Variants in ZNF341 observed in about 807,000 individuals in gnomAD.
ZNF341 encodes the protein zinc finger protein 341.
In ZNF341, 52 loss-of-function variants were observed where a neutral mutation model predicts 87.7. The ratio of observed to expected loss-of-function variants is 0.59; its 90% confidence interval spans 0.47 to 0.75. The LOEUF (loss-of-function observed/expected upper bound fraction) is 0.75, where lower values mean the gene tolerates loss of function less well. Among genes scored for constraint, ZNF341 ranks in the 30% least tolerant of loss-of-function variants. ZNF341 has a pLI of 0.00. For missense variants in ZNF341, 977 were observed against 1,145.9 expected, an observed-to-expected ratio of 0.85 and a Z score of 2.13; for synonymous variants, 459 against 472.7, an observed-to-expected ratio of 0.97 and a Z score of 0.38.
intron 2 of ZNF341, among the ~76,000 whole-genome samples, chr20:33,744,295 A>G (rs952201439): frequency 1.3e-5 from 2 of 151,950 alleles, no homozygotes; most frequent in African/African-American, 4.8e-5. Flanking sequence ...GAAAGAAAAA[A>G]AAAAAAAGAA....
intron 4 of ZNF341, chr20:33,752,266 A>G (rs1179289752): frequency 3.3e-6 from 2 of 598,186 alleles, no homozygotes; most frequent in Non-Finnish European, 3.2e-6. Context: ...CTTCATCCTC[A>G]TAACATTTTC....
chr20:33,761,840 C>T (rs773815878), intron 7 of ZNF341, 22 bp from the exon 8 acceptor site: 1 of 1,468,440 alleles, frequency 6.8e-7, no homozygotes, highest in East Asian at 2.5e-5. Flanking sequence ...CAGGAGGGCA[C>T]TGACAAGCTT....
At chr20:33,770,349 A>T in intron 10 of ZNF341, 57 bp downstream of exon 10, 1 of 1,454,426 alleles carries the variant, frequency 6.9e-7, no homozygotes, top group South Asian at 1.2e-5. Context: ...CAGGGAGCCC[A>T]GGGCCTGTGG....
chr20:33,748,885 C>T (rs1454651676), intron 3 of ZNF341, 38 bp from the exon 4 acceptor site: 2 of 1,581,510 alleles, frequency 1.3e-6, no homozygotes, highest in Admixed American at 3.4e-5. Flanking sequence ...CACTCTGTCT[C>T]TCTCCGTCTC....
intron 8 of ZNF341, among the ~76,000 whole-genome samples, chr20:33,764,691 T>C (rs2019370005): frequency 1.3e-5 from 2 of 149,074 alleles, no homozygotes; most frequent in South Asian, 4.3e-4. Flanking sequence ...ATATTAACAT[T>C]ATTATTTTAA....
At chr20:33,738,366 G>A (rs2018734575) in intron 1 of ZNF341, among the ~76,000 whole-genome samples, 1 of 152,084 alleles carries the variant, frequency 6.6e-6, no homozygotes, top group South Asian at 2.1e-4. Flanking sequence ...TAATATTTAT[G>A]TCTACACCTT....
intron 8 of ZNF341, among the ~76,000 whole-genome samples, chr20:33,764,473 A>G (rs1199197533): frequency 6.9e-6 from 1 of 145,338 alleles, no homozygotes; most frequent in Admixed American, 7.0e-5. Context: ...ATTTAACCAT[A>G]TATGTGTATG....
Position 33,770,305 on chromosome 20 carries a change from T to C in ZNF341, c.1622+13T>C, listed in dbSNP as rs200083771. The C allele has an allele frequency of 6.9e-4, 696 of 1,005,624 alleles. 8 individuals carry two copies. In the African/African-American group the frequency reaches 0.011, roughly 15 times the overall value. 62.3% of individuals were successfully genotyped at this position (1,005,624 alleles called of 1,614,324 possible). A position where few individuals can be genotyped will look rare whatever the true frequency, so the allele number is the denominator to read the frequency against. On this transcript the variant is annotated intron_variant, in intron 10 of 14. Coordinates refer to ENST00000375200, the MANE Select transcript of ZNF341 (RefSeq NM_001282933.2). Reference sequence around the variant, plus strand: ...ATGCCGTCTACAAGTAAGTGCCTCCTGCTTCCCTCTCCCTGGGTGGACGGG... The same window carrying C: ...ATGCCGTCTACAAGTAAGTGCCTCCCGCTTCCCTCTCCCTGGGTGGACGGG...
At chr20:33,733,218 C>CTTT (rs1163203751) in intron 1 of ZNF341, among the ~76,000 whole-genome samples, 1 of 130,774 alleles carries the variant, frequency 7.6e-6, no homozygotes, top group Admixed American at 7.7e-5. Context: ...GGCTAATTTC[C>CTTT]TTTTTTTTTT....
intron 1 of ZNF341, among the ~76,000 whole-genome samples, chr20:33,739,871 C>CT (rs1255822566): frequency 1.2e-4 from 18 of 149,066 alleles, no homozygotes; most frequent in South Asian, 4.2e-4. Context: ...ATTTATCCAG[C>CT]TTTTTTTTTT....
chr20:33,758,946 C>T (rs1415681855), intron 7 of ZNF341, 140 bp downstream of exon 7: 18 of 711,864 alleles, frequency 2.5e-5, no homozygotes, highest in South Asian at 7.1e-5. Context: ...TAGTCCAGGT[C>T]GGGTGGTTTT....
intron 14 of ZNF341, among the ~76,000 whole-genome samples, chr20:33,790,123 G>A (rs1392509863): frequency 2.0e-5 from 3 of 150,996 alleles, no homozygotes; most frequent in African/African-American, 7.3e-5. Context: ...CCCAGGTGGA[G>A]TGCAGTGGTG....
At chr20:33,759,290 A>G (rs1242827277) in intron 7 of ZNF341, among the ~76,000 whole-genome samples, 2 of 152,186 alleles carry the variant, frequency 1.3e-5, no homozygotes, top group East Asian at 3.9e-4. Context: ...GGTACATGAG[A>G]TGATTTTTTT....
Position 33,732,137 on chromosome 20 carries a change from C to T in ZNF341, c.31+85C>T. 5.0e-6 allele frequency: 5 copies of T among 996,670 alleles called. No individual in the cohort carries two copies. The highest frequency in any genetic ancestry group is 6.0e-6 in the Non-Finnish European group (5 of 833,578). 61.7% of individuals were successfully genotyped at this position (996,670 alleles called of 1,614,324 possible). A position where few individuals can be genotyped will look rare whatever the true frequency, so the allele number is the denominator to read the frequency against. ...CCCTCGCAGCGCCCGGCCTAGGGCGCGCAGCGGCCGCGGGGCGGAGGGCGC... is the reference window on the plus strand; with the variant it reads ...CCCTCGCAGCGCCCGGCCTAGGGCGTGCAGCGGCCGCGGGGCGGAGGGCGC... On this transcript the variant is annotated intron_variant, in intron 1 of 14. Transcript: ENST00000375200. The surrounding 1 kb of genome is among the most constrained non-coding windows in gnomAD (Gnocchi z 4.5).
chr20:33,744,485 A>G (rs1239725650), intron 2 of ZNF341, among the ~76,000 whole-genome samples: 1 of 152,172 alleles, frequency 6.6e-6, no homozygotes, highest in Non-Finnish European at 1.5e-5. Context: ...CAGACAGGAT[A>G]AAGGTTCTGG....
At chr20:33,734,288 T>G (rs1269354007) in intron 1 of ZNF341, among the ~76,000 whole-genome samples, 1 of 152,148 alleles carries the variant, frequency 6.6e-6, no homozygotes, top group Non-Finnish European at 1.5e-5. Flanking sequence ...CAGCTAAACT[T>G]TATCTTGGGA....
intron 3 of ZNF341, among the ~76,000 whole-genome samples, chr20:33,745,929 C>CTTT (rs1301920142): frequency 3.8e-5 from 5 of 132,778 alleles, no homozygotes; most frequent in South Asian, 2.3e-4. Flanking sequence ...GGGTCTGGGC[C>CTTT]TTTTTTTTTT....
intron 1 of ZNF341, among the ~76,000 whole-genome samples, chr20:33,734,906 A>G (rs746318370): frequency 4.5e-4 from 68 of 152,084 alleles, no homozygotes; most frequent in Non-Finnish European, 7.4e-4. Flanking sequence ...GGGTTTCACC[A>G]TGTTGGCCAG....
At chr20:33,767,177 A>C (rs1387875120) in intron 9 of ZNF341, 136 bp downstream of exon 9, 67 of 1,094,530 alleles carry the variant, frequency 6.1e-5, no homozygotes, top group Non-Finnish European at 8.6e-5. Context: ...CCCCCGGGTT[A>C]GATTCCGAGC....
Sources: gnomAD v4.1 joint callset for allele counts (sites outside exome capture counted in the v4.1 genomes callset) on GRCh38, gnomAD v4.1.1 for gene constraint, Gnocchi (gnomAD v3.1) non-coding constraint, MANE v1.5 for transcripts, NCBI Gene and HGNC (gene_info 2026-07-23, HGNC 2026-07-21) for gene names.